The following TENM4 variants were observed in gnomAD, a reference collection of about 807,000 sequenced individuals.
TENM4 encodes the protein teneurin-4.
In TENM4, 82 loss-of-function variants were observed where a neutral mutation model predicts 243.3. The ratio of observed to expected loss-of-function variants is 0.34; its 90% CI spans 0.28 to 0.40. The LOEUF is 0.40. Ranked by LOEUF, TENM4 falls within the 10% of genes least tolerant of loss-of-function variation. TENM4 has a pLI of 1.00. For missense variants in TENM4, 3,138 were observed against 3,673.3 expected, an observed-to-expected ratio of 0.85 and a Z score of 3.77; for synonymous variants, 1,412 against 1,456.3, an observed-to-expected ratio of 0.97 and a Z score of 0.69.
Position 78,670,405 on chromosome 11 carries a change from C to T in TENM4, c.5940G>A (p.Gln1980=), listed in dbSNP as rs764262518. Residue 1980 remains glutamine, a synonymous_variant, in exon 32 of 34, where the codon CAG becomes CAA. Coordinates refer to ENST00000278550, the MANE Select transcript of TENM4 (RefSeq NM_001098816.3). The stretch of plus-strand genomic sequence containing the variant: ...TGACTGAGGCATTGCCCTCAGGGGG[C>T]TGATAGATGTTTCTGTAGTAGCCCA... ...RSVGYYRNIY[Q]PPEGNASVIQ... The T allele has an allele frequency of 5.6e-6, 9 of 1,613,838 alleles. No homozygotes were observed. The African/African-American group carries it at 1.2e-4, about 22-fold the overall frequency.
At position 79,018,303 on chromosome 11, in the gene TENM4, T is replaced by C. The variant is rs771478334; in HGVS notation, c.493+46435A>G. Among the ~76,000 whole-genome samples the C allele has an allele frequency of 4.5e-4, 69 of 152,158 alleles. 1 individual carries two copies. Among genetic ancestry groups the C allele is most frequent in the Non-Finnish European group, 4.3e-4 (29 of 68,014 alleles). Reference sequence around the variant, plus strand: ...GTCCTGGTTTGAACAACATATTATCTGGCTACCCTAACCTGAGGTTCTCTT... The same window carrying C: ...GTCCTGGTTTGAACAACATATTATCCGGCTACCCTAACCTGAGGTTCTCTT... On this transcript the variant is annotated intron_variant, in intron 6 of 33. Coordinates refer to ENST00000278550, the MANE Select transcript of TENM4 (RefSeq NM_001098816.3).
chr11:78,851,982 G>A (rs1032961107), intron 12 of TENM4, among the ~76,000 whole-genome samples: 3 of 152,168 alleles, frequency 2.0e-5, no homozygotes, highest in Admixed American at 2.0e-4. Flanking sequence ...AGGTATCCAG[G>A]GAGGAAACCA....
At position 78,905,595 on chromosome 11, in the gene TENM4, T is replaced by C. The variant is rs1856043399; in HGVS notation, c.494-2072A>G. 3.9e-5 allele frequency among the ~76,000 whole-genome samples: 6 copies of C among 152,280 alleles called. No homozygotes were observed. The South Asian group carries it at 1.2e-3, about 32-fold the overall frequency. On this transcript the variant is annotated intron_variant, in intron 6 of 33. Coordinates refer to ENST00000278550, the MANE Select transcript of TENM4 (RefSeq NM_001098816.3). Reference sequence around the variant, plus strand: ...GCATCCTCCACTCCAGCCACATTTTTCCTCCGAGGCCAGGAGATGTACTGA... The same window carrying C: ...GCATCCTCCACTCCAGCCACATTTTCCCTCCGAGGCCAGGAGATGTACTGA...
chr11:79,172,270 C>T (rs1863062105), intron 3 of TENM4, among the ~76,000 whole-genome samples: 1 of 152,060 alleles, frequency 6.6e-6, no homozygotes, highest in South Asian at 2.1e-4. Context: ...TTAATAATTA[C>T]ACTGGATCAG....
At position 78,903,640 on chromosome 11, in the gene TENM4, T is replaced by C. The variant is rs570406099; in HGVS notation, c.494-117A>G. ...AGAGGGAGCCGGCAGATTATACATA[T>C]TGATGCAGTCAATCAGTAATTACAC... is the stretch of plus-strand genomic sequence containing the variant. On this transcript the variant is annotated intron_variant, in intron 6 of 33. Transcript: ENST00000278550. The C allele has an allele frequency of 1.3e-4, 193 of 1,446,250 alleles. 6 individuals carry two copies. In the South Asian group the frequency reaches 1.7e-3, roughly 13 times the overall value. 89.6% of individuals were successfully genotyped at this position (1,446,250 alleles called of 1,614,324 possible). A position where few individuals can be genotyped will look rare whatever the true frequency, so the allele number is the denominator to read the frequency against.
chr11:79,164,449 T>G (rs1862857600), intron 3 of TENM4, among the ~76,000 whole-genome samples: 1 of 133,976 alleles, frequency 7.5e-6, no homozygotes, highest in Non-Finnish European at 1.5e-5. Flanking sequence ...TACTATATAG[T>G]ATATATAGTA....
chr11:79,181,976 T>C (rs2135142004), intron 3 of TENM4, among the ~76,000 whole-genome samples: 1 of 151,936 alleles, frequency 6.6e-6, no homozygotes, highest in Non-Finnish European at 1.5e-5. Flanking sequence ...TGTTCCACGT[T>C]TATAAACAGG....
chr11:79,327,535 A>G (rs1054840626), intron 1 of TENM4, among the ~76,000 whole-genome samples: 10 of 152,116 alleles, frequency 6.6e-5, no homozygotes, highest in African/African-American at 2.4e-4. Context: ...CAACACAGTG[A>G]CTTAAGTTTC....
rs530338389 is a variant in TENM4, at chr11:78,669,787, G to A, written c.6558C>T (p.Tyr2186=). The A allele has an allele frequency of 1.5e-5, 25 of 1,613,938 alleles. No individual in the cohort carries two copies. Among genetic ancestry groups the A allele is most frequent in the South Asian group, 1.2e-4 (11 of 91,082 alleles). The part of the protein sequence containing the change: ...VVKKELKVGP[Y]ANTTRYSYEY... ...CATAGGAGTAGCGAGTGGTATTGGC[G>A]TAGGGTCCTACCTTCAGCTCCTTCT... The change falls in exon 32 of 34, where the codon TAC becomes TAT. Residue 2186 remains tyrosine, a synonymous_variant. Coordinates refer to ENST00000278550, the MANE Select transcript of TENM4 (RefSeq NM_001098816.3). This position sits in a 1 kb window ranked among gnomAD's most constrained non-coding sequence, Gnocchi z 6.4.
In TENM4 at chr11:78,722,898, A is replaced by G. The variant is rs1855428667; in HGVS notation, c.3570T>C (p.Asn1190=). 5.6e-6 allele frequency: 9 copies of G among 1,613,878 alleles called. No individual in the cohort carries two copies. Among genetic ancestry groups the G allele is most frequent in the Non-Finnish European group, 6.8e-6 (8 of 1,179,870 alleles). The change falls in exon 24 of 34, where the codon AAT becomes AAC. Residue 1190 remains asparagine (N), a synonymous_variant. Coordinates refer to ENST00000278550, the MANE Select transcript of TENM4 (RefSeq NM_001098816.3). ...GCTGAGACACAAACTGGTTCTCCCC[A>G]TTCCCTTTGTGCAGGATGCCTGGGA... ...NIQSGILHKG[N]GENQFVSQQP...
intron 1 of TENM4, among the ~76,000 whole-genome samples, chr11:79,383,423 T>G (rs2135528666): frequency 6.6e-6 from 1 of 152,338 alleles, no homozygotes; most frequent in East Asian, 1.9e-4. Flanking sequence ...CACAAAACAC[T>G]TCCTTCATTC....
intron 6 of TENM4, among the ~76,000 whole-genome samples, chr11:78,993,197 A>C (rs1268317483): frequency 6.6e-6 from 1 of 152,210 alleles, no homozygotes; most frequent in Non-Finnish European, 1.5e-5. Flanking sequence ...GCTATGATCA[A>C]GACAGAGTCA....
intron 2 of TENM4, among the ~76,000 whole-genome samples, chr11:79,286,457 A>T (rs1448560532): frequency 1.3e-5 from 2 of 150,958 alleles, no homozygotes; most frequent in Non-Finnish European, 1.5e-5. Context: ...GTTTGAGACC[A>T]GCCTGGCCAA....
In TENM4 at chr11:79,053,594, A is replaced by C. The variant is rs78080203; in HGVS notation, c.493+11144T>G. On this transcript the variant is annotated intron_variant, in intron 6 of 33. Coordinates refer to ENST00000278550, the MANE Select transcript of TENM4 (RefSeq NM_001098816.3). ...GTTTCCTAAATAGTCTCCACCAGCCAGAAGTCAGACCCATGTTCTCTGTCT... is the reference window on the plus strand; with the variant it reads ...GTTTCCTAAATAGTCTCCACCAGCCCGAAGTCAGACCCATGTTCTCTGTCT... Among the ~76,000 whole-genome samples the C allele has an allele frequency of 6.8e-3, 1,038 of 152,328 alleles. 9 individuals are homozygous for C. Among genetic ancestry groups the C allele is most frequent in the African/African-American group, 0.024 (1,007 of 41,570 alleles).
chr11:78,905,464 T>C (rs552738414), intron 6 of TENM4, among the ~76,000 whole-genome samples: 1 of 152,298 alleles, frequency 6.6e-6, no homozygotes, highest in East Asian at 1.9e-4. Flanking sequence ...ACTTCCTTAT[T>C]ACAAGCTGCT....
intron 6 of TENM4, among the ~76,000 whole-genome samples, chr11:79,019,428 TATAACC>T (rs531775069): frequency 1.3e-5 from 2 of 152,292 alleles, no homozygotes; most frequent in East Asian, 3.9e-4. Flanking sequence ...CTTCTACCTC[TATAACC>T]ACCCAGGGTG....
chr11:79,374,890 T>G (rs1271984024), intron 1 of TENM4, among the ~76,000 whole-genome samples: 1 of 152,184 alleles, frequency 6.6e-6, no homozygotes, highest in Non-Finnish European at 1.5e-5. Context: ...ACACACGCAC[T>G]TCATGGGAGT....
chr11:78,800,540 C>G (rs552566134), intron 15 of TENM4, among the ~76,000 whole-genome samples: 1 of 152,068 alleles, frequency 6.6e-6, no homozygotes, highest in Non-Finnish European at 1.5e-5. Context: ...GGTTCGCTGT[C>G]GGGTAGTGTG....
intron 1 of TENM4, among the ~76,000 whole-genome samples, chr11:79,336,427 G>C (rs1174792234): frequency 1.3e-5 from 2 of 152,164 alleles, no homozygotes; most frequent in African/African-American, 4.8e-5. Context: ...AGAGGTATTA[G>C]ATGAGAGAGG....
Sources: gnomAD v4.1 joint callset for allele counts (sites outside exome capture counted in the v4.1 genomes callset) on GRCh38, gnomAD v4.1.1 for gene constraint, Gnocchi (gnomAD v3.1) non-coding constraint, MANE v1.5 for transcripts, NCBI Gene and HGNC (gene_info 2026-07-23, HGNC 2026-07-21) for gene names.